Variants in PLS3 observed in about 807,000 individuals in gnomAD.
PLS3 encodes the protein plastin 3.
PLS3 carries 11 observed loss-of-function variants against 46.5 expected under a neutral mutation model. The observed-to-expected ratio is 0.24, with a 90% CI of 0.15 to 0.39. PLS3 has a LOEUF of 0.39. PLS3 is among the 10% of genes least tolerant of loss of function. The pLI, the probability that PLS3 is intolerant of heterozygous loss-of-function variation, is 1.00. For synonymous variants in PLS3, 167 were observed against 162.2 expected (o/e 1.03, Z -0.22); for missense variants, 308 against 461.8 (o/e 0.67, Z 3.05).
At chrX:115,644,622 A>ATAAG (rs1405642418) in intron 10 of PLS3, among the ~76,000 whole-genome samples, 6 of 109,870 alleles carry the variant, frequency 5.5e-5, no homozygotes, top group Admixed American at 3.0e-4. Flanking sequence ...AAATAAATAA[A>ATAAG]TAAATAAATA....
In PLS3 at chrX:115,612,431, C is replaced by T. The variant is rs371718643; in HGVS notation, c.73+2108C>T. Among the ~76,000 whole-genome samples, 112 of 111,305 alleles carry T rather than the reference C, an allele frequency of 1.0e-3. 1 individual carries two copies. In the South Asian group the frequency reaches 0.029, roughly 28 times the overall value. Reference sequence around the variant, plus strand: ...GTTACTTACAGAACCCTCAGGCAACCGTCAAAGGTGTTATAGAATTTTTTT... The same window carrying T: ...GTTACTTACAGAACCCTCAGGCAACTGTCAAAGGTGTTATAGAATTTTTTT... On this transcript the variant is annotated intron_variant, in intron 2 of 15. Coordinates refer to ENST00000355899, the MANE Select transcript of PLS3 (RefSeq NM_005032.7).
intron 3 of PLS3, among the ~76,000 whole-genome samples, chrX:115,622,927 C>A (rs782039044): frequency 1.1e-4 from 12 of 111,506 alleles, no homozygotes; most frequent in African/African-American, 3.3e-4. Context: ...TCTTTTCAGT[C>A]CATTGGAAGA....
chrX:115,645,142 G>T, intron 11 of PLS3, 43 bp downstream of exon 11: 1 of 755,764 alleles, frequency 1.3e-6, no homozygotes. Flanking sequence ...CGAATGTCAT[G>T]AATGGATGTT....
chrX:115,580,855 A>G (rs183044305), intron 1 of PLS3, among the ~76,000 whole-genome samples: 18 of 111,860 alleles, frequency 1.6e-4, no homozygotes, highest in Admixed American at 1.3e-3. Context: ...TATTTTTATG[A>G]TTTTGAAATT....
chrX:115,563,645 C>T (rs2074154103), intron 1 of PLS3, among the ~76,000 whole-genome samples: 2 of 112,182 alleles, frequency 1.8e-5, no homozygotes, highest in African/African-American at 6.5e-5. Flanking sequence ...ACTTTGTATT[C>T]TTTTGCCAAA....
At chrX:115,589,329 A>T (rs1036571467) in intron 1 of PLS3, among the ~76,000 whole-genome samples, 1 of 111,816 alleles carries the variant, frequency 8.9e-6, no homozygotes, top group African/African-American at 3.3e-5. Flanking sequence ...GAAAAAAATG[A>T]TTACATATAT....
chrX:115,567,087 T>C (rs782126502), intron 1 of PLS3, among the ~76,000 whole-genome samples: 1 of 112,138 alleles, frequency 8.9e-6, no homozygotes, highest in African/African-American at 3.2e-5. Context: ...GAGTAGAATT[T>C]TGGTCTTCAG....
chrX:115,591,950 G>A (rs2074348010), intron 1 of PLS3, among the ~76,000 whole-genome samples: 1 of 112,012 alleles, frequency 8.9e-6, no homozygotes, highest in Admixed American at 9.5e-5. Context: ...TTTCACGAAG[G>A]TTTTGTGATT....
chrX:115,588,533 T>C (rs961855251), intron 1 of PLS3, among the ~76,000 whole-genome samples: 2 of 112,413 alleles, frequency 1.8e-5, no homozygotes, highest in Non-Finnish European at 3.7e-5. Context: ...CTTATTCTTA[T>C]TTTTAAACAA....
chrX:115,580,140 G>A (rs1228116548), intron 1 of PLS3, among the ~76,000 whole-genome samples: 2 of 111,506 alleles, frequency 1.8e-5, no homozygotes, highest in African/African-American at 3.3e-5. Flanking sequence ...TTTTCTCCTC[G>A]CCTGTAGCTT....
At chrX:115,583,798 G>A (rs782297744) in intron 1 of PLS3, among the ~76,000 whole-genome samples, 1 of 112,059 alleles carries the variant, frequency 8.9e-6, no homozygotes, top group Non-Finnish European at 1.9e-5. Context: ...AGGTCAAAAA[G>A]TAGTTGTTTT....
rs2074592085 is a variant in PLS3, at chrX:115,615,656, TTTC to T, written c.73+5339_73+5341del. ...GTGATTTTTTTTTAAGTATCATAAT[TTTC>T]TTCTTTTAAAAAAAAACGCTTTGTC... On this transcript the variant is annotated intron_variant, in intron 2 of 15. Transcript: ENST00000355899. Among the ~76,000 whole-genome samples the T allele has an allele frequency of 2.7e-5, 3 of 110,802 alleles. No homozygotes were observed. In the South Asian group the frequency reaches 1.2e-3, roughly 43 times the overall value.
chrX:115,567,217 T>G (rs183066682), intron 1 of PLS3, among the ~76,000 whole-genome samples: 105 of 111,468 alleles, frequency 9.4e-4, no homozygotes, highest in African/African-American at 3.3e-3. Context: ...TCCTCATAAT[T>G]GCAGTCTAAA....
intron 5 of PLS3, among the ~76,000 whole-genome samples, chrX:115,632,572 G>T (rs1435813740): frequency 9.0e-6 from 1 of 111,305 alleles, no homozygotes; most frequent in South Asian, 3.8e-4. Flanking sequence ...TCTTTCTCTC[G>T]CCACTATACT....
chrX:115,625,861 G>C (rs981887815), intron 3 of PLS3, among the ~76,000 whole-genome samples: 5 of 111,914 alleles, frequency 4.5e-5, no homozygotes, highest in South Asian at 3.7e-4. Context: ...GTTGCTGAGA[G>C]TCTTTGAGAG....
At chrX:115,635,488 AAAAATAC>A (rs1453368256) in intron 7 of PLS3, among the ~76,000 whole-genome samples, 1 of 108,120 alleles carries the variant, frequency 9.2e-6, no homozygotes, top group African/African-American at 3.4e-5. Context: ...CGTTTCTACT[AAAAATAC>A]AAAAAATTAG....
chrX:115,594,151 T>A (rs1215382535), intron 1 of PLS3, among the ~76,000 whole-genome samples: 4 of 111,789 alleles, frequency 3.6e-5, no homozygotes, highest in Non-Finnish European at 7.5e-5. Context: ...ACAGTTGTCT[T>A]AGTGTTTATA....
At chrX:115,610,910 C>T (rs781863149) in intron 2 of PLS3, 8 of 1,006,163 alleles carry the variant, frequency 8.0e-6, no homozygotes, top group Non-Finnish European at 1.1e-5. Context: ...TACAATTGAG[C>T]AGCTATGGAA....
intron 1 of PLS3, among the ~76,000 whole-genome samples, chrX:115,605,479 A>C (rs781806215): frequency 8.9e-6 from 1 of 111,740 alleles, no homozygotes; most frequent in South Asian, 3.8e-4. Context: ...TTATTGAGAC[A>C]GGGTCTTGCT....
Sources: gnomAD v4.1 joint callset for allele counts (sites outside exome capture counted in the v4.1 genomes callset) on GRCh38, gnomAD v4.1.1 for gene constraint, MANE v1.5 for transcripts, NCBI Gene and HGNC (gene_info 2026-07-23, HGNC 2026-07-21) for gene names.